DENND1B: variants seen among roughly 807,000 people sequenced by gnomAD.
DENND1B encodes DENN domain containing 1B, also known as DENN domain-containing protein 1B.
A neutral mutation model predicts 90.1 loss-of-function variants in DENND1B; 59 were observed. The ratio of observed to expected loss-of-function variants is 0.65; its 90% CI spans 0.53 to 0.81. DENND1B has a LOEUF of 0.81. Ranked by LOEUF, DENND1B falls within the 40% of genes least tolerant of loss-of-function variation. The probability of loss-of-function intolerance (pLI) is 0.00; values close to 1 mark genes in which losing one functional copy is unlikely to be tolerated. For missense variants in DENND1B, 862 were observed against 912.6 expected, an observed-to-expected ratio of 0.94 and a Z score of 0.71; for synonymous variants, 337 against 324.6, an observed-to-expected ratio of 1.04 and a Z score of -0.41.
chr1:197,700,480 T>G (rs1658913251), intron 3 of DENND1B, among the ~76,000 whole-genome samples: 1 of 152,072 alleles, frequency 6.6e-6, no homozygotes, highest in Admixed American at 6.6e-5. Context: ...GATTAAAGAT[T>G]TAAATGTAAA....
intron 2 of DENND1B, among the ~76,000 whole-genome samples, chr1:197,749,393 A>G (rs1048482266): frequency 6.6e-6 from 1 of 152,084 alleles, no homozygotes; most frequent in Non-Finnish European, 1.5e-5. Flanking sequence ...GGAAAACCTT[A>G]AAAGCAGACA....
chr1:197,736,693 G>C (rs1425911476), intron 2 of DENND1B, among the ~76,000 whole-genome samples: 1 of 152,104 alleles, frequency 6.6e-6, no homozygotes, highest in Non-Finnish European at 1.5e-5. Flanking sequence ...AATCATCCCT[G>C]AGATAATCTG....
intron 15 of DENND1B, among the ~76,000 whole-genome samples, chr1:197,567,294 C>T (rs4026508): frequency 0.44 from 67,146 of 151,690 alleles, 15,647 homozygotes; most frequent in East Asian, 0.66. Flanking sequence ...CTAGATACAA[C>T]CTATCAAAAC....
intron 2 of DENND1B, among the ~76,000 whole-genome samples, chr1:197,727,004 TTC>T (rs1388801338): frequency 2.0e-5 from 3 of 152,240 alleles, no homozygotes; most frequent in East Asian, 1.9e-4. Flanking sequence ...GAATATTTTA[TTC>T]TGTTTCTAAT....
rs199822821 is a variant in DENND1B at position 197,509,625 on chromosome 1, G to T, written c.*835C>A. The T allele has an allele frequency of 2.5e-5, 2 of 81,398 alleles. No homozygotes were observed. The highest frequency in any genetic ancestry group is 4.9e-5 in the African/African-American group (1 of 20,564). 5.0% of individuals were successfully genotyped at this position (81,398 alleles called of 1,614,324 possible). ...GATAGAGAATTATTAGTTAAAAAAA[G>T]ATTTTTTTTTTTTTTTTTGTCAGGA... On this transcript the variant is annotated 3_prime_UTR_variant, in exon 23 of 23. Transcript: ENST00000620048.
intron 2 of DENND1B, among the ~76,000 whole-genome samples, chr1:197,731,078 G>A (rs962238446): frequency 1.1e-4 from 17 of 151,990 alleles, no homozygotes; most frequent in Admixed American, 5.2e-4. Flanking sequence ...AGAAAGTTTC[G>A]AGGAATAGCA....
chr1:197,548,655 T>C (rs1337274639), intron 16 of DENND1B, among the ~76,000 whole-genome samples: 1 of 152,134 alleles, frequency 6.6e-6, no homozygotes, highest in African/African-American at 2.4e-5. Context: ...CCCGGTTCAT[T>C]ATTCCTTCAA....
intron 10 of DENND1B, among the ~76,000 whole-genome samples, chr1:197,633,488 T>A (rs547819983): frequency 1.7e-4 from 26 of 152,318 alleles, no homozygotes; most frequent in Admixed American, 1.6e-3. Flanking sequence ...AACTTGCTCC[T>A]GGTTCCAGTG....
In DENND1B at chr1:197,691,955, T is replaced by C. The variant is rs779182716; in HGVS notation, c.127-17786A>G. Among the ~76,000 whole-genome samples, 270 of 151,808 alleles carry C rather than the reference T, an allele frequency of 1.8e-3. 2 individuals are homozygous for C. The highest frequency in any genetic ancestry group is 3.5e-3 in the Non-Finnish European group (235 of 67,822). On this transcript the variant is annotated intron_variant, in intron 3 of 22. Transcript: ENST00000620048. Reference sequence around the variant, plus strand: ...GTAGAATGCTGGTTGCCAGCCAGGGTCCGTGAGTAGAGAGAAATGGCAAGT... The same window carrying C: ...GTAGAATGCTGGTTGCCAGCCAGGGCCCGTGAGTAGAGAGAAATGGCAAGT...
chr1:197,618,265 G>A (rs1280376287), intron 10 of DENND1B, among the ~76,000 whole-genome samples: 3 of 151,222 alleles, frequency 2.0e-5, no homozygotes, highest in Non-Finnish European at 1.5e-5. Flanking sequence ...TTGAATGTTC[G>A]ACAGTTGGAG....
intron 2 of DENND1B, among the ~76,000 whole-genome samples, chr1:197,738,767 T>TA (rs1315587674): frequency 3.3e-5 from 5 of 152,114 alleles, no homozygotes; most frequent in African/African-American, 9.7e-5. Flanking sequence ...ACTAAAAATC[T>TA]AAAAAAATAC....
At chr1:197,744,611 G>C (rs1045665169) in intron 2 of DENND1B, among the ~76,000 whole-genome samples, 3 of 152,180 alleles carry the variant, frequency 2.0e-5, no homozygotes, top group Non-Finnish European at 4.4e-5. Context: ...ATAGAGCACA[G>C]GCAGAGTAGA....
chr1:197,658,584 T>G (rs1654085714), intron 5 of DENND1B, among the ~76,000 whole-genome samples: 1 of 151,892 alleles, frequency 6.6e-6, no homozygotes, highest in Non-Finnish European at 1.5e-5. Flanking sequence ...TTTAAAAAGC[T>G]GTTCATTACA....
chr1:197,757,835 C>T (rs1332328023), intron 2 of DENND1B, among the ~76,000 whole-genome samples: 2 of 152,106 alleles, frequency 1.3e-5, no homozygotes, highest in Non-Finnish European at 2.9e-5. Flanking sequence ...TTTACACAGA[C>T]CTCACAACCA....
At chr1:197,753,714 T>C (rs1238489679) in intron 2 of DENND1B, among the ~76,000 whole-genome samples, 1 of 151,980 alleles carries the variant, frequency 6.6e-6, no homozygotes, top group African/African-American at 2.4e-5. Flanking sequence ...AAAAATAAAG[T>C]CGATGGCCAC....
At chr1:197,743,450 C>T (rs1044289789) in intron 2 of DENND1B, among the ~76,000 whole-genome samples, 1 of 152,164 alleles carries the variant, frequency 6.6e-6, no homozygotes, top group Non-Finnish European at 1.5e-5. Context: ...TGCTAACAAT[C>T]TTCTGAGCCT....
chr1:197,512,755 G>A, intron 21 of DENND1B, 116 bp downstream of exon 21: 7 of 895,568 alleles, frequency 7.8e-6, no homozygotes, highest in Non-Finnish European at 1.2e-5. Flanking sequence ...GAAGAACACT[G>A]TAAAAGGGCA....
chr1:197,577,470 C>A (rs944988507), intron 15 of DENND1B, among the ~76,000 whole-genome samples: 1 of 152,084 alleles, frequency 6.6e-6, no homozygotes, highest in African/African-American at 2.4e-5. Context: ...ATTTATATTA[C>A]TATATGAATG....
At chr1:197,713,949 A>ATTATATG (rs1660356593) in intron 3 of DENND1B, among the ~76,000 whole-genome samples, 4 of 138,634 alleles carry the variant, frequency 2.9e-5, no homozygotes, top group Admixed American at 7.8e-5. Context: ...ATATACATAT[A>ATTATATG]CACCAATAAT....
Sources: gnomAD v4.1 joint callset for allele counts (sites outside exome capture counted in the v4.1 genomes callset) on GRCh38, gnomAD v4.1.1 for gene constraint, MANE v1.5 for transcripts, NCBI Gene and HGNC (gene_info 2026-07-23, HGNC 2026-07-21) for gene names.